The following ATRNL1 variants were observed in gnomAD, a reference collection of about 807,000 sequenced individuals.
The protein encoded by ATRNL1 is attractin like 1, also known as attractin-like protein 1.
In ATRNL1, 95 loss-of-function variants were observed where a neutral mutation model predicts 182.7. That is an observed-to-expected ratio of 0.52 (90% CI 0.44 to 0.62). The LOEUF is 0.62. ATRNL1 is among the 20% of genes least tolerant of loss of function. The pLI, the probability that ATRNL1 is intolerant of heterozygous loss-of-function variation, is 0.00. For synonymous variants in ATRNL1, 576 were observed against 568.3 expected, an observed-to-expected ratio of 1.01 and a Z score of -0.19; for missense variants, 1,471 against 1,679.5, an observed-to-expected ratio of 0.88 and a Z score of 2.17.
intron 22 of ATRNL1, among the ~76,000 whole-genome samples, chr10:115,466,728 T>A (rs979565709): frequency 2.0e-5 from 3 of 151,178 alleles, no homozygotes; most frequent in Non-Finnish European, 3.0e-5. Flanking sequence ...AATATGGGTT[T>A]AATAATAAAA....
At chr10:115,542,689 G>T (rs11197284) in intron 25 of ATRNL1, among the ~76,000 whole-genome samples, 1 of 151,960 alleles carries the variant, frequency 6.6e-6, no homozygotes, top group Non-Finnish European at 1.5e-5. Context: ...GTGTCTTAGT[G>T]TGCTTGGGCT....
intron 28 of ATRNL1, among the ~76,000 whole-genome samples, chr10:115,855,227 C>T (rs1025847491): frequency 1.3e-5 from 2 of 152,190 alleles, no homozygotes; most frequent in African/African-American, 4.8e-5. Context: ...TTATGATTCT[C>T]TGAGTGTAGG....
At chr10:115,691,525 C>A (rs1263520551) in intron 26 of ATRNL1, among the ~76,000 whole-genome samples, 1 of 152,104 alleles carries the variant, frequency 6.6e-6, no homozygotes, top group African/African-American at 2.4e-5. Context: ...AATTGGAGAC[C>A]AGCCTGAGGA....
intron 26 of ATRNL1, among the ~76,000 whole-genome samples, chr10:115,666,964 T>C (rs1348424530): frequency 6.6e-6 from 1 of 152,184 alleles, no homozygotes; most frequent in Non-Finnish European, 1.5e-5. Context: ...ACAGTGCTCG[T>C]ATTTTGAGCA....
At chr10:115,812,199 G>C (rs1446666507) in intron 27 of ATRNL1, among the ~76,000 whole-genome samples, 1 of 152,034 alleles carries the variant, frequency 6.6e-6, no homozygotes, top group African/African-American at 2.4e-5. Flanking sequence ...GGCAACTATA[G>C]TTGGCTTTTA....
intron 26 of ATRNL1, among the ~76,000 whole-genome samples, chr10:115,648,887 C>T (rs1267525761): frequency 6.6e-6 from 1 of 152,084 alleles, no homozygotes; most frequent in Non-Finnish European, 1.5e-5. Flanking sequence ...TGTGGTAGAA[C>T]ATTTGTGTGT....
At chr10:115,517,419 ATG>A (rs1231233047) in intron 24 of ATRNL1, among the ~76,000 whole-genome samples, 1 of 151,894 alleles carries the variant, frequency 6.6e-6, no homozygotes, top group African/African-American at 2.4e-5. Context: ...ACTGTTCTAT[ATG>A]TGTTTTCTGC....
chr10:115,274,360 A>G (rs1852008872), intron 13 of ATRNL1, among the ~76,000 whole-genome samples: 1 of 152,196 alleles, frequency 6.6e-6, no homozygotes, highest in African/African-American at 2.4e-5. Context: ...AAAGAGGCCT[A>G]TTAGACATTC....
chr10:115,456,116 C>G (rs1847510336), intron 21 of ATRNL1, among the ~76,000 whole-genome samples: 1 of 152,142 alleles, frequency 6.6e-6, no homozygotes. Context: ...ACCATTTGAC[C>G]TAGCAATCCC....
intron 19 of ATRNL1, among the ~76,000 whole-genome samples, chr10:115,389,433 G>A (rs188777269): frequency 0.013 from 1,937 of 148,170 alleles, 45 homozygotes; most frequent in African/African-American, 0.044. Context: ...GAATTGCTTG[G>A]ACCTGGGAGG....
chr10:115,369,755 G>T (rs1203247922), intron 19 of ATRNL1, among the ~76,000 whole-genome samples: 5 of 152,060 alleles, frequency 3.3e-5, no homozygotes, highest in Non-Finnish European at 5.9e-5. Flanking sequence ...TTGTCTTCCT[G>T]ATAACAGCCA....
intron 15 of ATRNL1, among the ~76,000 whole-genome samples, chr10:115,291,239 G>C (rs1852888195): frequency 6.6e-6 from 1 of 152,134 alleles, no homozygotes; most frequent in South Asian, 2.1e-4. Context: ...GTTTTTCTCT[G>C]TATCATGTCA....
rs1377146326 is a variant in ATRNL1 at position 115,581,764 on chromosome 10, T to G, written c.3795+32228T>G. Reference sequence around the variant, plus strand: ...CACTAAACTTTTTTTTTTATTATACTTTAAGTTTTAGGGTACATGTGCACA... The same window carrying G: ...CACTAAACTTTTTTTTTTATTATACGTTAAGTTTTAGGGTACATGTGCACA... On this transcript the variant is annotated intron_variant, in intron 26 of 28. Coordinates refer to ENST00000355044, the MANE Select transcript of ATRNL1 (RefSeq NM_207303.4). 2.0e-5 allele frequency among the ~76,000 whole-genome samples: 3 copies of G among 151,942 alleles called. No individual in the cohort carries two copies. The East Asian group carries it at 5.8e-4, about 30-fold the overall frequency.
At chr10:115,500,398 T>G (rs1554979802) in intron 24 of ATRNL1, among the ~76,000 whole-genome samples, 1 of 152,140 alleles carries the variant, frequency 6.6e-6, no homozygotes, top group Non-Finnish European at 1.5e-5. Flanking sequence ...TTGAAAAACA[T>G]TAGGCAAGAC....
At chr10:115,241,408 T>C (rs1325984350) in intron 9 of ATRNL1, among the ~76,000 whole-genome samples, 163 bp from the exon 10 acceptor site, 1 of 151,782 alleles carries the variant, frequency 6.6e-6, no homozygotes, top group Non-Finnish European at 1.5e-5. Context: ...TTTTTTGAAA[T>C]ATTGAAGTTT....
chr10:115,567,130 A>G (rs1854118342), intron 26 of ATRNL1, among the ~76,000 whole-genome samples: 1 of 152,156 alleles, frequency 6.6e-6, no homozygotes, highest in South Asian at 2.1e-4. Context: ...TTTAGTTTTC[A>G]AACTGAACAT....
chr10:115,310,598 A>T, intron 17 of ATRNL1, among the ~76,000 whole-genome samples: 1 of 152,242 alleles, frequency 6.6e-6, no homozygotes, highest in South Asian at 2.1e-4. Flanking sequence ...CATTTCCACT[A>T]GATTTTCTAG....
At chr10:115,579,523 A>G (rs2133882296) in intron 26 of ATRNL1, among the ~76,000 whole-genome samples, 1 of 151,972 alleles carries the variant, frequency 6.6e-6, no homozygotes, top group Non-Finnish European at 1.5e-5. Flanking sequence ...CTATTGTCAG[A>G]TATTAGCTTA....
chr10:115,094,410 G>C (rs2084960545), intron 1 of ATRNL1, among the ~76,000 whole-genome samples: 1 of 152,208 alleles, frequency 6.6e-6, no homozygotes, highest in African/African-American at 2.4e-5. Flanking sequence ...AATTGTCCAA[G>C]TTACTTATGA....
Sources: gnomAD v4.1 joint callset for allele counts (sites outside exome capture counted in the v4.1 genomes callset) on GRCh38, gnomAD v4.1.1 for gene constraint, MANE v1.5 for transcripts, NCBI Gene and HGNC (gene_info 2026-07-23, HGNC 2026-07-21) for gene names.